The following PSMB7 variants were observed in gnomAD, a reference collection of about 807,000 sequenced individuals.
PSMB7 encodes the protein proteasome 20S subunit beta 7.
Under a neutral mutation model 28.1 loss-of-function variants are expected in PSMB7, and 5 were observed. The observed-to-expected ratio is 0.18, with a 90% CI of 0.09 to 0.37. The LOEUF is 0.37. Among genes scored for constraint, PSMB7 ranks in the 10% least tolerant of loss-of-function variants. The pLI, the probability that PSMB7 is intolerant of heterozygous loss-of-function variation, is 1.00. For synonymous variants in PSMB7, 122 were observed against 123.7 expected (o/e 0.99, Z 0.09); for missense variants, 275 against 346.2 (o/e 0.79, Z 1.63).
At chr9:124,389,695 T>C (rs1365801497) in intron 5 of PSMB7, among the ~76,000 whole-genome samples, 2 of 152,184 alleles carry the variant, frequency 1.3e-5, no homozygotes, top group Non-Finnish European at 2.9e-5. Context: ...CTGCTCCAGC[T>C]AGGTCCTCAT....
At chr9:124,370,731 G>GC (rs773305514) in intron 6 of PSMB7, among the ~76,000 whole-genome samples, 13 of 152,136 alleles carry the variant, frequency 8.5e-5, no homozygotes, top group African/African-American at 1.4e-4. Context: ...AAGCCCTCAC[G>GC]CCCCCCAATT....
At chr9:124,377,832 C>T (rs562717201) in intron 6 of PSMB7, among the ~76,000 whole-genome samples, 1 of 152,284 alleles carries the variant, frequency 6.6e-6, no homozygotes, top group African/African-American at 2.4e-5. Flanking sequence ...GCTCATCCCT[C>T]GGTATTGCAA....
intron 5 of PSMB7, among the ~76,000 whole-genome samples, chr9:124,399,533 C>T (rs1368237649): frequency 2.6e-5 from 4 of 152,118 alleles, no homozygotes; most frequent in Admixed American, 6.5e-5. Context: ...CAGAGGAGGG[C>T]GAGGGGGCTG....
chr9:124,377,656 T>A (rs1305355512), intron 6 of PSMB7, among the ~76,000 whole-genome samples: 1 of 152,238 alleles, frequency 6.6e-6, no homozygotes, highest in Non-Finnish European at 1.5e-5. Context: ...ACCACAAGCC[T>A]TTAGGGCGAT....
At chr9:124,395,369 C>A (rs1233697832) in intron 5 of PSMB7, among the ~76,000 whole-genome samples, 1 of 151,736 alleles carries the variant, frequency 6.6e-6, no homozygotes, top group Non-Finnish European at 1.5e-5. Flanking sequence ...GTGGTGTGCC[C>A]ATAGTCCCAA....
chr9:124,388,783 C>A (rs1210066199), intron 5 of PSMB7, among the ~76,000 whole-genome samples: 1 of 152,188 alleles, frequency 6.6e-6, no homozygotes, highest in Non-Finnish European at 1.5e-5. Context: ...GCCTATCTCA[C>A]AGAGCACATG....
chr9:124,357,539 A>AAT (rs1327411027), intron 6 of PSMB7, among the ~76,000 whole-genome samples: 1 of 152,202 alleles, frequency 6.6e-6, no homozygotes, highest in Non-Finnish European at 1.5e-5. Flanking sequence ...TGCCCAGAAT[A>AAT]ATCTCTCTCT....
intron 5 of PSMB7, among the ~76,000 whole-genome samples, chr9:124,399,009 C>CA (rs34386702): frequency 0.11 from 14,472 of 129,168 alleles, 730 homozygotes; most frequent in Non-Finnish European, 0.12. Context: ...AAGCTTTAAC[C>CA]AAAAAAAAAA....
chr9:124,393,300 G>A (rs555578261), intron 5 of PSMB7, among the ~76,000 whole-genome samples: 3 of 152,264 alleles, frequency 2.0e-5, no homozygotes, highest in South Asian at 2.1e-4. Flanking sequence ...AAAGCTTCCC[G>A]GCGAGGCAAG....
chr9:124,384,334 TAC>T lies in PSMB7; in HGVS notation c.570+262_570+263del, dbSNP rs897841753. On this transcript the variant is annotated intron_variant, in intron 6 of 7. Coordinates refer to ENST00000259457, the MANE Select transcript of PSMB7 (RefSeq NM_002799.4). ...AAACATTCCACGTTACCACCGCATT[TAC>T]AGTCAAGAAGATTCCTAGACAGCCC... The T allele has an allele frequency of 1.0e-4, 40 of 397,992 alleles. 3 individuals carry two copies. Among genetic ancestry groups the T allele is most frequent in the Admixed American group, 7.1e-4 (16 of 22,590 alleles). The allele number at this position is 397,992 out of a possible 1,614,324, so 24.7% of individuals were successfully genotyped here.
At chr9:124,378,980 A>T (rs1164205729) in intron 6 of PSMB7, among the ~76,000 whole-genome samples, 1 of 152,198 alleles carries the variant, frequency 6.6e-6, no homozygotes, top group Non-Finnish European at 1.5e-5. Context: ...TTCTTATACC[A>T]GCCTTAACAA....
rs201452748 is a variant in PSMB7 at position 124,415,434 on chromosome 9, G to A, written c.-9C>T. 4.3e-6 allele frequency: 7 copies of A among 1,614,040 alleles called. No individual in the cohort carries two copies. The highest frequency in any genetic ancestry group is 2.2e-5 in the East Asian group (1 of 44,882). ...ACCGACACAGCCGCCATCTTCCCAA[G>A]AAAGCAGTTCCGGGTCGGAGGCGGG... On this transcript the variant is annotated 5_prime_UTR_variant, in exon 1 of 8. Transcript: ENST00000259457.
chr9:124,403,114 C>T (rs958499904), intron 5 of PSMB7, among the ~76,000 whole-genome samples: 15 of 152,052 alleles, frequency 9.9e-5, no homozygotes, highest in African/African-American at 3.6e-4. Context: ...ACCAGCTACA[C>T]GATACACACA....
At chr9:124,388,964 G>C (rs540194735) in intron 5 of PSMB7, among the ~76,000 whole-genome samples, 1 of 152,288 alleles carries the variant, frequency 6.6e-6, no homozygotes, top group South Asian at 2.1e-4. Flanking sequence ...ACACATGGCA[G>C]CATTAGGAGA....
chr9:124,378,137 C>G (rs1223468515), intron 6 of PSMB7, among the ~76,000 whole-genome samples: 2 of 152,250 alleles, frequency 1.3e-5, no homozygotes, highest in East Asian at 3.8e-4. Context: ...CTTTTGGCAG[C>G]TCTCAACTTG....
At chr9:124,357,014 G>C in intron 6 of PSMB7, 99 bp from the exon 7 acceptor site, 1 of 1,302,954 alleles carries the variant, frequency 7.7e-7, no homozygotes, top group Non-Finnish European at 1.1e-6. Context: ...GACCTCCCGC[G>C]AGACAGGTGT....
intron 6 of PSMB7, chr9:124,383,462 C>T (rs1830688918): frequency 6.6e-6 from 1 of 152,128 alleles, no homozygotes; most frequent in African/African-American, 2.4e-5. Context: ...GCAGAAAACC[C>T]CTATCTGTCC....
chr9:124,414,958 A>G, intron 1 of PSMB7, 23 bp from the exon 2 acceptor site: 1 of 1,543,952 alleles, frequency 6.5e-7, no homozygotes, highest in Non-Finnish European at 8.9e-7. Context: ...GAGAGAATCA[A>G]GTGTTGAAGG....
intron 4 of PSMB7, among the ~76,000 whole-genome samples, chr9:124,408,604 T>C (rs550309444): frequency 2.6e-5 from 4 of 152,300 alleles, no homozygotes; most frequent in African/African-American, 9.6e-5. Context: ...CACACAAACA[T>C]TTTTTCTGAT....
Sources: allele counts gnomAD v4.1 joint callset (sites outside exome capture counted in the v4.1 genomes callset), GRCh38; gene constraint gnomAD v4.1.1; transcripts MANE v1.5; gene names NCBI Gene and HGNC (gene_info 2026-07-23, HGNC 2026-07-21).